ARHGEF4: variants seen among roughly 807,000 people sequenced by gnomAD.
The protein encoded by ARHGEF4 is Rho guanine nucleotide exchange factor 4, also known as APC-stimulated guanine nucleotide exchange factor 1.
ARHGEF4 carries 119 observed loss-of-function variants against 162.0 expected under a neutral mutation model. The observed-to-expected ratio is 0.73, with a 90% CI of 0.63 to 0.86. The LOEUF is 0.86. ARHGEF4 is among the 40% of genes least tolerant of loss of function. The pLI, the probability that ARHGEF4 is intolerant of heterozygous loss-of-function variation, is 0.00. For synonymous variants in ARHGEF4, 1,014 were observed against 979.9 expected (o/e 1.03, Z -0.65); for missense variants, 2,488 against 2,456.0 (o/e 1.01, Z -0.28).
intron 4 of ARHGEF4, among the ~76,000 whole-genome samples, chr2:130,959,817 C>G (rs1411457740): frequency 6.6e-6 from 1 of 152,184 alleles, no homozygotes; most frequent in African/African-American, 2.4e-5. Flanking sequence ...TTCTTTCCAT[C>G]CAGCACTGTT....
chr2:130,977,349 A>G (rs917679744), intron 4 of ARHGEF4, among the ~76,000 whole-genome samples: 2 of 151,172 alleles, frequency 1.3e-5, no homozygotes, highest in African/African-American at 2.4e-5. Context: ...TGGTGTGTGT[A>G]GAGTATGGTG....
At position 131,021,790 on chromosome 2, in the gene ARHGEF4, T is replaced by A. The variant is rs140401056; in HGVS notation, c.3986-6155T>A. Reference sequence around the variant, plus strand: ...CCGTCTTCCATCGCTGAGTATGATGTTGGCTGTGAGATTTTCATATGTGGC... The same window carrying A: ...CCGTCTTCCATCGCTGAGTATGATGATGGCTGTGAGATTTTCATATGTGGC... On this transcript the variant is annotated intron_variant, in intron 4 of 13. Transcript: ENST00000409359. 4.4e-3 allele frequency among the ~76,000 whole-genome samples: 674 copies of A among 152,342 alleles called. 1 individual carries two copies. Among genetic ancestry groups the A allele is most frequent in the African/African-American group, 0.015 (635 of 41,578 alleles).
At chr2:130,864,902 T>G (rs532613030) in intron 1 of ARHGEF4, among the ~76,000 whole-genome samples, 1 of 152,316 alleles carries the variant, frequency 6.6e-6, no homozygotes, top group South Asian at 2.1e-4. Context: ...AAACAGCGTG[T>G]GAGTGATGGC....
intron 1 of ARHGEF4, among the ~76,000 whole-genome samples, chr2:130,838,552 G>A (rs1012110860): frequency 6.6e-6 from 1 of 152,058 alleles, no homozygotes. Context: ...GTTGCAGTGA[G>A]CCAAGATAGC....
At chr2:130,877,640 ACT>A (rs1678941259) in intron 1 of ARHGEF4, among the ~76,000 whole-genome samples, 1 of 151,956 alleles carries the variant, frequency 6.6e-6, no homozygotes, top group South Asian at 2.1e-4. Context: ...ACAGACCGAG[ACT>A]CTGTCTCAAA....
Position 131,034,902 on chromosome 2 carries a change from C to G in ARHGEF4, c.4126-3951C>G, listed in dbSNP as rs1270139175. Reference sequence around the variant, plus strand: ...GCCGCCGCCGCCGCCCCCGCCCGCACAGCCGGCTTGGTTGCCAGGGTTGCC... The same window carrying G: ...GCCGCCGCCGCCGCCCCCGCCCGCAGAGCCGGCTTGGTTGCCAGGGTTGCC... On this transcript the variant is annotated intron_variant, in intron 5 of 13. Transcript: ENST00000409359. 19 of 886,084 alleles carry G rather than the reference C, an allele frequency of 2.1e-5. No individual in the cohort carries two copies. The Admixed American group carries it at 1.2e-3, about 55-fold the overall frequency. The allele number at this position is 886,084 out of a possible 1,614,324, so 54.9% of individuals were successfully genotyped here.
At chr2:130,871,290 C>T (rs1678462546) in intron 1 of ARHGEF4, among the ~76,000 whole-genome samples, 1 of 152,268 alleles carries the variant, frequency 6.6e-6, no homozygotes, top group South Asian at 2.1e-4. Flanking sequence ...AATCCCAGCA[C>T]TTTGGGAGGC....
chr2:130,842,345 A>G (rs1680666499), intron 1 of ARHGEF4, among the ~76,000 whole-genome samples: 1 of 152,342 alleles, frequency 6.6e-6, no homozygotes, highest in East Asian at 1.9e-4. Flanking sequence ...TTCTGGCTGT[A>G]TAATGCGCCA....
chr2:130,867,209 A>T (rs951641108), intron 1 of ARHGEF4, among the ~76,000 whole-genome samples: 1 of 151,772 alleles, frequency 6.6e-6, no homozygotes, highest in Non-Finnish European at 1.5e-5. Flanking sequence ...TGGTATCTAT[A>T]ATGATGGCTC....
intron 4 of ARHGEF4, among the ~76,000 whole-genome samples, chr2:131,004,302 A>C (rs1169160365): frequency 6.6e-6 from 1 of 152,092 alleles, no homozygotes; most frequent in African/African-American, 2.4e-5. Flanking sequence ...AGTAGCTGGG[A>C]CTACAGGCCC....
intron 1 of ARHGEF4, among the ~76,000 whole-genome samples, chr2:130,844,350 A>T (rs1347093870): frequency 6.6e-6 from 1 of 152,154 alleles, no homozygotes; most frequent in Non-Finnish European, 1.5e-5. Flanking sequence ...TCCGGCCCTC[A>T]CGTTGCCCTG....
chr2:130,884,089 G>A (rs143713224), intron 1 of ARHGEF4, among the ~76,000 whole-genome samples: 1 of 152,200 alleles, frequency 6.6e-6, no homozygotes, highest in East Asian at 1.9e-4. Flanking sequence ...CAAGAAGTGT[G>A]TGGAAATTCC....
chr2:130,880,847 T>A (rs1025905771), intron 1 of ARHGEF4, among the ~76,000 whole-genome samples: 11 of 150,650 alleles, frequency 7.3e-5, no homozygotes, highest in African/African-American at 2.0e-4. Context: ...TTTTTTTTTT[T>A]AAATAATGGA....
chr2:130,931,074 C>T lies in ARHGEF4; in HGVS notation c.3675C>T (p.Leu1225=), dbSNP rs749789415. The change falls in exon 3 of 14, where the codon CTC becomes CTT. Residue 1225 remains leucine (L), a synonymous_variant. Coordinates refer to ENST00000409359, the MANE Select transcript of ARHGEF4 (RefSeq NM_001367493.1). The part of the protein sequence containing the change: ...CFTTDMVTWA[L]LCISAETVRG... Reference sequence around the variant, plus strand: ...CCACTGACATGGTGACATGGGCCCTCCTCTGCATCTCTGCAGAGACTGTGC... The same window carrying T: ...CCACTGACATGGTGACATGGGCCCTTCTCTGCATCTCTGCAGAGACTGTGC... 11 of 1,614,204 alleles carry T rather than the reference C, an allele frequency of 6.8e-6. No individual in the cohort carries two copies. The highest frequency in any genetic ancestry group is 2.7e-5 in the African/African-American group (2 of 75,064).
chr2:131,021,281 G>C (rs537959848), intron 4 of ARHGEF4, among the ~76,000 whole-genome samples: 3 of 152,200 alleles, frequency 2.0e-5, no homozygotes, highest in South Asian at 4.2e-4. Context: ...CCAAAACAGA[G>C]ATATAGACCA....
intron 1 of ARHGEF4, among the ~76,000 whole-genome samples, chr2:130,888,200 C>T (rs1390640219): frequency 1.3e-5 from 2 of 151,906 alleles, no homozygotes; most frequent in Admixed American, 6.6e-5. Flanking sequence ...GCAGGCCAGG[C>T]GCAGTGGCTC....
chr2:130,923,949 C>G (rs1277107401), intron 2 of ARHGEF4, among the ~76,000 whole-genome samples: 1 of 149,738 alleles, frequency 6.7e-6, no homozygotes, highest in African/African-American at 2.4e-5. Flanking sequence ...GGCACGATCT[C>G]GGCTCACTGC....
intron 1 of ARHGEF4, among the ~76,000 whole-genome samples, chr2:130,880,404 A>G (rs911510947): frequency 6.6e-6 from 1 of 152,220 alleles, no homozygotes; most frequent in Non-Finnish European, 1.5e-5. Context: ...AAAGTTGTTA[A>G]CTAATAATAG....
intron 3 of ARHGEF4, among the ~76,000 whole-genome samples, chr2:130,933,846 A>G (rs1574256996): frequency 6.6e-6 from 1 of 152,180 alleles, no homozygotes; most frequent in Non-Finnish European, 1.5e-5. Flanking sequence ...GGAAATTTCT[A>G]TGTATAAGAT....
Sources: gnomAD v4.1 joint callset for allele counts (sites outside exome capture counted in the v4.1 genomes callset) on GRCh38, gnomAD v4.1.1 for gene constraint, MANE v1.5 for transcripts, NCBI Gene and HGNC (gene_info 2026-07-23, HGNC 2026-07-21) for gene names.